The following TBC1D5 variants were observed in gnomAD, a reference collection of about 807,000 sequenced individuals.
The protein encoded by TBC1D5 is TBC1 domain family, member 5.
A neutral mutation model predicts 100.3 loss-of-function variants in TBC1D5; 75 were observed. That is an observed-to-expected ratio of 0.75 (90% CI 0.62 to 0.91). TBC1D5 has a LOEUF of 0.91. Among genes scored for constraint, TBC1D5 ranks in the 40% least tolerant of loss-of-function variants. TBC1D5 has a pLI of 0.00. For missense variants in TBC1D5, 910 were observed against 942.4 expected (o/e 0.97, Z 0.45); for synonymous variants, 323 against 325.6 (o/e 0.99, Z 0.09).
At chr3:17,561,778 T>C (rs9682111) in intron 2 of TBC1D5, among the ~76,000 whole-genome samples, 1,775 of 152,286 alleles carry the variant, frequency 0.012, 35 homozygotes, top group African/African-American at 0.041. Context: ...GTTCATTTTA[T>C]GTTGGCATGA....
chr3:17,508,622 T>C lies in TBC1D5; in HGVS notation c.-35-17A>G, dbSNP rs746699213. On this transcript the variant is annotated splice_polypyrimidine_tract_variant and intron_variant, in intron 2 of 21. Transcript: ENST00000253692. The stretch of plus-strand genomic sequence containing the variant: ...AGTAACTACCTGGGAGGTGAAAAAA[T>C]ACAGAGAAAAATAATAAATTCTTTT... 67 of 1,242,384 alleles carry C rather than the reference T, an allele frequency of 5.4e-5. No individual in the cohort carries two copies. Among genetic ancestry groups the C allele is most frequent in the Non-Finnish European group, 1.5e-5 (13 of 845,014 alleles). The allele number at this position is 1,242,384 out of a possible 1,614,324, so 77.0% of individuals were successfully genotyped here. A position where few individuals can be genotyped will look rare whatever the true frequency, so the allele number is the denominator to read the frequency against.
chr3:17,404,703 C>G, exon 7 of TBC1D5: 2 of 1,604,768 alleles, frequency 1.2e-6, no homozygotes, highest in Non-Finnish European at 1.7e-6. Context: ...CCCCTTCATC[C>G]TGTGAAAGAG....
intron 14 of TBC1D5, among the ~76,000 whole-genome samples, chr3:17,301,171 GAC>G (rs2082790833): frequency 6.6e-6 from 1 of 151,590 alleles, no homozygotes; most frequent in African/African-American, 2.4e-5. Flanking sequence ...TTAAAATAGA[GAC>G]AATTTTTTAT....
At chr3:17,347,757 C>T (rs915156462) in intron 13 of TBC1D5, among the ~76,000 whole-genome samples, 10 of 152,058 alleles carry the variant, frequency 6.6e-5, no homozygotes, top group Admixed American at 2.0e-4. Flanking sequence ...GTCTGTAATC[C>T]TAACACTTAG....
intron 1 of TBC1D5, among the ~76,000 whole-genome samples, chr3:17,709,545 T>C (rs76006107): frequency 0.022 from 3,374 of 152,248 alleles, 112 homozygotes; most frequent in African/African-American, 0.076. Context: ...AAACTCTCAC[T>C]TGGATAAGCA....
chr3:17,352,200 G>A (rs781722700), intron 13 of TBC1D5, among the ~76,000 whole-genome samples: 21 of 152,000 alleles, frequency 1.4e-4, no homozygotes, highest in Non-Finnish European at 2.5e-4. Flanking sequence ...TCTATTTCAC[G>A]TAGGTCTATG....
intron 3 of TBC1D5, among the ~76,000 whole-genome samples, chr3:17,491,784 G>T (rs917827224): frequency 6.6e-6 from 1 of 152,078 alleles, no homozygotes; most frequent in Non-Finnish European, 1.5e-5. Context: ...TCTCTGCCAG[G>T]TTTCGGTATC....
chr3:17,159,377 A>C (rs2065848568), exon 22 of TBC1D5: 1 of 152,200 alleles, frequency 6.6e-6, no homozygotes, highest in South Asian at 2.1e-4. Flanking sequence ...TAGCAGTGGG[A>C]GGGACGTAAA....
chr3:17,671,331 C>T (rs1056845774), intron 1 of TBC1D5, among the ~76,000 whole-genome samples: 2 of 152,050 alleles, frequency 1.3e-5, no homozygotes, highest in Non-Finnish European at 2.9e-5. Flanking sequence ...GTGCTTCTCT[C>T]GTAGATGAAA....
chr3:17,649,101 G>T (rs1451649377), intron 1 of TBC1D5, among the ~76,000 whole-genome samples: 1 of 152,054 alleles, frequency 6.6e-6, no homozygotes, highest in African/African-American at 2.4e-5. Context: ...TGACAGATTG[G>T]ATAAAGAAAA....
chr3:17,734,925 C>A (rs1345639540), intron 1 of TBC1D5, among the ~76,000 whole-genome samples: 4 of 145,772 alleles, frequency 2.7e-5, no homozygotes, highest in Non-Finnish European at 4.5e-5. Flanking sequence ...GTCTCTACGA[C>A]AAAAAAAAAA....
intron 1 of TBC1D5, among the ~76,000 whole-genome samples, chr3:17,660,964 A>G (rs1294545420): frequency 6.6e-6 from 1 of 152,228 alleles, no homozygotes. Context: ...AGGCTAACGT[A>G]AGCTTTCTTA....
intron 3 of TBC1D5, among the ~76,000 whole-genome samples, chr3:17,432,460 T>C (rs1171405493): frequency 6.6e-6 from 1 of 152,172 alleles, no homozygotes; most frequent in Non-Finnish European, 1.5e-5. Flanking sequence ...ATTTGTGAAA[T>C]CAGGCTAACC....
intron 2 of TBC1D5, among the ~76,000 whole-genome samples, chr3:17,524,297 A>T (rs1224294653): frequency 6.6e-6 from 1 of 152,210 alleles, no homozygotes; most frequent in Non-Finnish European, 1.5e-5. Flanking sequence ...TAAGAATTTG[A>T]AGAAATAGGC....
intron 19 of TBC1D5, among the ~76,000 whole-genome samples, chr3:17,168,208 T>C (rs1231746755): frequency 6.6e-6 from 1 of 152,206 alleles, no homozygotes; most frequent in Non-Finnish European, 1.5e-5. Flanking sequence ...TCAATGATGT[T>C]ACCTTACCTC....
intron 1 of TBC1D5, among the ~76,000 whole-genome samples, chr3:17,649,507 G>T (rs958341861): frequency 2.0e-5 from 3 of 152,100 alleles, no homozygotes; most frequent in Non-Finnish European, 2.9e-5. Flanking sequence ...CTCAAAATTA[G>T]AAGATATTTA....
intron 1 of TBC1D5, among the ~76,000 whole-genome samples, chr3:17,633,787 C>T (rs1011996707): frequency 1.3e-5 from 2 of 152,028 alleles, no homozygotes; most frequent in Non-Finnish European, 2.9e-5. Context: ...ATAAATACTA[C>T]AGGAATTGAT....
chr3:17,490,822 A>C (rs1035045334), intron 3 of TBC1D5, among the ~76,000 whole-genome samples: 1 of 152,122 alleles, frequency 6.6e-6, no homozygotes, highest in African/African-American at 2.4e-5. Flanking sequence ...ATGAATTTTA[A>C]AAGTTTTTTC....
intron 15 of TBC1D5, 63 bp downstream of exon 15, chr3:17,291,832 T>C (rs1025481544): frequency 7.0e-7 from 1 of 1,435,746 alleles, no homozygotes. Flanking sequence ...TCTTAGACTC[T>C]ACACAGAGAA....
Sources: allele counts gnomAD v4.1 joint callset (sites outside exome capture counted in the v4.1 genomes callset), GRCh38; gene constraint gnomAD v4.1.1; transcripts MANE v1.5; gene names NCBI Gene and HGNC (gene_info 2026-07-23, HGNC 2026-07-21).